HOXA3: variants seen among roughly 807,000 people sequenced by gnomAD.
HOXA3 encodes homeobox A3.
In HOXA3, 8 loss-of-function variants were observed where a neutral mutation model predicts 30.3. The observed-to-expected ratio is 0.26, with a 90% CI of 0.15 to 0.48. HOXA3 has a LOEUF of 0.48. HOXA3 is among the 20% of genes least tolerant of loss of function. The pLI is 0.99. For missense variants in HOXA3, 653 were observed against 614.4 expected (o/e 1.06, Z -0.66); for synonymous variants, 323 against 273.1 (o/e 1.18, Z -1.80).
chr7:27,112,758 G>A (rs991738570), intron 4 of HOXA3, among the ~76,000 whole-genome samples: 3 of 150,666 alleles, frequency 2.0e-5, no homozygotes, highest in African/African-American at 7.4e-5. Flanking sequence ...TTAGACACTC[G>A]AACAGCAAGA....
At chr7:27,142,995 C>A (rs747387275) in intron 1 of HOXA3, 5 of 1,449,940 alleles carry the variant, frequency 3.4e-6, no homozygotes, top group Middle Eastern at 5.0e-4. Context: ...GAGGGGGGAC[C>A]GAGAGCCGCG....
In HOXA3 at chr7:27,108,215, C is replaced by A. The variant is rs1284351877; in HGVS notation, c.1032G>T (p.Pro344=). ...CGTTGCCCTGCAGGCCATGAGCGTG[C>A]GGGTCATAGTCGGGGGTGCCCCCTG... is the stretch of plus-strand genomic sequence containing the variant. ...AGAGGTPDYD[P]HAHGLQGNGS... is the part of the protein sequence containing the mutation. The change falls in exon 6 of 6, where the codon CCG becomes CCT. Residue 344 remains proline (P), a synonymous_variant. Coordinates refer to ENST00000612286, the MANE Select transcript of HOXA3 (RefSeq NM_153631.3). This position sits in a 1 kb window ranked among gnomAD's most constrained non-coding sequence, Gnocchi z 5.0. 5.9e-6 allele frequency: 9 copies of A among 1,530,540 alleles called. No individual in the cohort carries two copies. The highest frequency in any genetic ancestry group is 2.8e-5 in the African/African-American group (2 of 72,202). 94.8% of individuals were successfully genotyped at this position (1,530,540 alleles called of 1,614,324 possible). A position where few individuals can be genotyped will look rare whatever the true frequency, so the allele number is the denominator to read the frequency against.
intron 1 of HOXA3, chr7:27,147,427 T>C (rs1583413043): frequency 1.2e-6 from 2 of 1,614,178 alleles, no homozygotes; most frequent in African/African-American, 1.3e-5. Context: ...GTACTGCTGC[T>C]CGGGAGAAAA....
intron 1 of HOXA3, chr7:27,147,742 G>T: frequency 6.2e-7 from 1 of 1,605,920 alleles, no homozygotes. Flanking sequence ...CACAAAATAG[G>T]AACTCATTTG....
chr7:27,136,769 G>A (rs971056581), intron 2 of HOXA3, among the ~76,000 whole-genome samples: 2 of 152,170 alleles, frequency 1.3e-5, no homozygotes, highest in African/African-American at 4.8e-5. Flanking sequence ...TTTGTGGGGA[G>A]GGGACCTGGT....
intron 2 of HOXA3, among the ~76,000 whole-genome samples, chr7:27,134,829 T>C (rs1341475589): frequency 6.6e-6 from 1 of 152,190 alleles, no homozygotes; most frequent in Non-Finnish European, 1.5e-5. Flanking sequence ...AACCAAAATA[T>C]TGGGATGATC....
At chr7:27,130,300 T>A in intron 2 of HOXA3, 1 of 1,089,374 alleles carries the variant, frequency 9.2e-7, no homozygotes. Context: ...GGCGCGAGGC[T>A]GCAGGGGCGG....
chr7:27,129,397 T>C, intron 2 of HOXA3: 1 of 1,614,188 alleles, frequency 6.2e-7, no homozygotes, highest in Non-Finnish European at 8.5e-7. Flanking sequence ...CCTCCGGTTC[T>C]GAAACCAGAT....
intron 4 of HOXA3, chr7:27,121,213 C>CTGTGTGTGTGTG (rs1491534734): frequency 5.4e-4 from 64 of 119,476 alleles, no homozygotes; most frequent in East Asian, 2.8e-3. Flanking sequence ...TCTTAGCCCA[C>CTGTGTGTGTGTG]TGTGTGCGTG....
In HOXA3 at chr7:27,108,366, G is replaced by A; in HGVS notation, c.881C>T (p.Pro294Leu). Residue 294 changes from proline (P) to leucine (L), a missense_variant, in exon 6 of 6, where the codon CCC (proline) becomes CTC (leucine). Pro to Leu is a moderately conservative substitution (Grantham distance 98, BLOSUM62 -3). Coordinates refer to ENST00000612286, the MANE Select transcript of HOXA3 (RefSeq NM_153631.3). The surrounding 1 kb of genome is among the most constrained non-coding windows in gnomAD (Gnocchi z 5.0). ...CTGGGGGGGCTTGGAGAAGGGCGGG[G>A]GCGACTGGGGCTCATACGGGACGCT... ...VNSVPYEPQS[P>L]PPFSKPPQGT... 6.4e-7 allele frequency: 1 copy of A among 1,555,290 alleles called. No individual in the cohort carries two copies. The highest frequency in any genetic ancestry group is 8.7e-7 in the Non-Finnish European group (1 of 1,143,528).
In HOXA3 at chr7:27,107,832, T is replaced by TAAAAA. The variant is rs59078276; in HGVS notation, c.*78_*82dup. The TAAAAA allele has an allele frequency of 3.7e-6, 2 of 545,612 alleles. No homozygotes were observed. The highest frequency in any genetic ancestry group is 2.8e-6 in the Non-Finnish European group (1 of 361,096). The allele number at this position is 545,612 out of a possible 1,614,324, so 33.8% of individuals were successfully genotyped here. On this transcript the variant is annotated 3_prime_UTR_variant, in exon 6 of 6. Transcript: ENST00000612286. The stretch of plus-strand genomic sequence containing the variant: ...AAGGAAGGAAAGGGCAGGAAGAACC[T>TAAAAA]AAAAAAAAAAAAAAAAAAAAGCAAC...
Position 27,145,452 on chromosome 7 carries a change from GTTTTGTTTTGTTTT to G in HOXA3, c.-493-5280_-493-5267del, listed in dbSNP as rs1562730691. On this transcript the variant is annotated intron_variant, in intron 1 of 5. Coordinates refer to ENST00000612286, the MANE Select transcript of HOXA3 (RefSeq NM_153631.3). Reference sequence around the variant, plus strand: ...TGGTATTGGCTGTGTGTGAGGTTTTGTTTTGTTTTGTTTTGTTTTGTTTTGTTTTGTTTTGTTTT... The same window carrying G: ...TGGTATTGGCTGTGTGTGAGGTTTTGGTTTTGTTTTGTTTTGTTTTGTTTT... 731 of 558,022 alleles carry G rather than the reference GTTTTGTTTTGTTTT, an allele frequency of 1.3e-3. 10 individuals are homozygous for G. Among genetic ancestry groups the G allele is most frequent in the South Asian group, 2.8e-3 (131 of 47,272 alleles). The allele number at this position is 558,022 out of a possible 1,614,324, so 34.6% of individuals were successfully genotyped here.
chr7:27,141,535 T>TC (rs397733321), intron 1 of HOXA3: 3 of 259,708 alleles, frequency 1.2e-5, no homozygotes, highest in African/African-American at 6.8e-5. Context: ...TGTTTTTTTT[T>TC]CTCTTTTCTT....
At chr7:27,139,330 A>G (rs1173017447) in intron 2 of HOXA3, among the ~76,000 whole-genome samples, 1 of 152,054 alleles carries the variant, frequency 6.6e-6, no homozygotes, top group Non-Finnish European at 1.5e-5. Flanking sequence ...GGGGGTCCTG[A>G]ACACCCCCCC....
intron 1 of HOXA3, chr7:27,151,488 C>T: frequency 4.8e-6 from 2 of 420,712 alleles, no homozygotes; most frequent in Non-Finnish European, 9.8e-6. Context: ...CGGGACCCTG[C>T]CACGCGCGCT....
intron 5 of HOXA3, among the ~76,000 whole-genome samples, chr7:27,109,537 T>C (rs1186603927): frequency 1.3e-5 from 2 of 152,208 alleles, no homozygotes; most frequent in Non-Finnish European, 2.9e-5. Context: ...AGGAGGCCCA[T>C]GTGGTTCCCA....
rs1784464583 is a variant in HOXA3, at chr7:27,113,007, A to G, written c.-120-2247T>C. ...AAAATCCTTCCTATTGTTCGAGGTC[A>G]GCAGACCACCACCTTGGAGCTCATA... On this transcript the variant is annotated intron_variant, in intron 4 of 5. Transcript: ENST00000612286. The surrounding 1 kb of genome is among the most constrained non-coding windows in gnomAD (Gnocchi z 4.8). 6.6e-6 allele frequency among the ~76,000 whole-genome samples: 1 copy of G among 152,206 alleles called. No homozygotes were observed. Among genetic ancestry groups the G allele is most frequent in the Non-Finnish European group, 1.5e-5 (1 of 68,032 alleles).
chr7:27,125,959 C>T (rs915752570), intron 3 of HOXA3, among the ~76,000 whole-genome samples: 1 of 152,108 alleles, frequency 6.6e-6, no homozygotes, highest in Non-Finnish European at 1.5e-5. Context: ...GGAATGGGGC[C>T]CGCTGGGACA....
chr7:27,148,262 G>A (rs1583414283), intron 1 of HOXA3, among the ~76,000 whole-genome samples: 1 of 152,250 alleles, frequency 6.6e-6, no homozygotes, highest in African/African-American at 2.4e-5. Context: ...GCTCCCTGCC[G>A]GCCTGCACTC....
Sources: allele counts gnomAD v4.1 joint callset (sites outside exome capture counted in the v4.1 genomes callset), GRCh38; gene constraint gnomAD v4.1.1; non-coding constraint Gnocchi (gnomAD v3.1); transcripts MANE v1.5; gene names NCBI Gene and HGNC (gene_info 2026-07-23, HGNC 2026-07-21).